Variants in PPP1R1C observed in about 807,000 individuals in gnomAD.
PPP1R1C encodes protein phosphatase 1 regulatory inhibitor subunit 1C.
A neutral mutation model predicts 17.4 loss-of-function variants in PPP1R1C; 15 were observed. The ratio of observed to expected loss-of-function variants is 0.86; its 90% CI spans 0.58 to 1.33. The LOEUF is 1.33. PPP1R1C is among the 40% of genes most tolerant of loss of function. The pLI is 0.00. For missense variants in PPP1R1C, 143 were observed against 130.0 expected (o/e 1.10, Z -0.48); for synonymous variants, 35 against 43.1 (o/e 0.81, Z 0.73).
At chr2:182,127,712 T>C (rs899107374) in intron 5 of PPP1R1C, among the ~76,000 whole-genome samples, 8 of 152,042 alleles carry the variant, frequency 5.3e-5, no homozygotes, top group Non-Finnish European at 8.8e-5. Context: ...TGCAACAGTG[T>C]TGGAGAAAGT....
At chr2:182,122,925 A>G (rs141043058) in intron 5 of PPP1R1C, among the ~76,000 whole-genome samples, 1,880 of 152,194 alleles carry the variant, frequency 0.012, 46 homozygotes, top group African/African-American at 0.042. Flanking sequence ...TTACATAGGT[A>G]TACAGGTGCC....
At chr2:182,092,179 C>T (rs1296679505) in intron 4 of PPP1R1C, among the ~76,000 whole-genome samples, 1 of 152,134 alleles carries the variant, frequency 6.6e-6, no homozygotes, top group Non-Finnish European at 1.5e-5. Context: ...ATTGGACTTA[C>T]AGTTCCACAT....
At chr2:182,083,620 T>G (rs1420270296) in intron 4 of PPP1R1C, among the ~76,000 whole-genome samples, 1 of 152,182 alleles carries the variant, frequency 6.6e-6, no homozygotes, top group East Asian at 1.9e-4. Context: ...TGAGTAGTAT[T>G]CTACAGTGTA....
intron 4 of PPP1R1C, among the ~76,000 whole-genome samples, chr2:182,079,637 T>C (rs929078854): frequency 2.0e-5 from 3 of 152,224 alleles, no homozygotes; most frequent in Non-Finnish European, 2.9e-5. Context: ...TTTCAAGGAC[T>C]GCCTTAATAG....
chr2:181,957,894 T>A lies in PPP1R1C; in HGVS notation n.111+3260T>A, dbSNP rs1467128236. On this transcript the variant is annotated intron_variant and non_coding_transcript_variant, in intron 1 of 5. Coordinates refer to the PPP1R1C transcript ENST00000464264. This position sits in a 1 kb window ranked among gnomAD's most constrained non-coding sequence, Gnocchi z 4.2. ...GTGCAAATAATTGATAAATGATTCA[T>A]GAGTCATGCCTCCCAGAGTGTGTAC... Among the ~76,000 whole-genome samples, 1 of 152,254 alleles carries A rather than the reference T, an allele frequency of 6.6e-6. No homozygotes were observed. Among genetic ancestry groups the A allele is most frequent in the Non-Finnish European group, 1.5e-5 (1 of 68,048 alleles).
rs1196173 is a variant in PPP1R1C at position 182,071,951 on chromosome 2, C to G, written c.241+8160C>G. On this transcript the variant is annotated intron_variant, in intron 4 of 4. Transcript: ENST00000682840. The stretch of plus-strand genomic sequence containing the variant: ...GGCTCATTTTATGTATTTCTTGTCC[C>G]AGTCCTAGAACCAGCCTTTTCTCCA... Among the ~76,000 whole-genome samples the G allele has an allele frequency of 4.9e-3, 744 of 152,232 alleles. 6 individuals carry two copies. Among genetic ancestry groups the G allele is most frequent in the African/African-American group, 0.017 (718 of 41,532 alleles).
At chr2:182,024,047 A>C (rs1427375849) in intron 2 of PPP1R1C, 1 of 152,218 alleles carries the variant, frequency 6.6e-6, no homozygotes. Flanking sequence ...ATGATTTTAA[A>C]GGAAAGTGTG....
intron 2 of PPP1R1C, among the ~76,000 whole-genome samples, chr2:182,011,136 G>A (rs2125155607): frequency 6.6e-6 from 1 of 152,180 alleles, no homozygotes; most frequent in Non-Finnish European, 1.5e-5. Context: ...TGGCCTCATA[G>A]GATGAGTTTG....
chr2:182,059,757 A>G (rs2125195214), intron 2 of PPP1R1C, among the ~76,000 whole-genome samples: 1 of 152,188 alleles, frequency 6.6e-6, no homozygotes, highest in East Asian at 1.9e-4. Context: ...ACCTTTTTTC[A>G]TTGAAATATT....
chr2:181,972,045 T>A (rs938377047), intron 1 of PPP1R1C, among the ~76,000 whole-genome samples: 1 of 152,230 alleles, frequency 6.6e-6, no homozygotes, highest in Non-Finnish European at 1.5e-5. Flanking sequence ...ATTGCTCACA[T>A]GATTTTTTTG....
chr2:182,106,057 G>A (rs1230584580), intron 4 of PPP1R1C, among the ~76,000 whole-genome samples: 1 of 152,142 alleles, frequency 6.6e-6, no homozygotes, highest in African/African-American at 2.4e-5. Context: ...TATAGATGGT[G>A]TTCTCTGTGT....
intron 4 of PPP1R1C, among the ~76,000 whole-genome samples, chr2:182,079,513 A>T (rs1688410055): frequency 6.6e-6 from 1 of 152,186 alleles, no homozygotes; most frequent in Admixed American, 6.5e-5. Context: ...CTCAGTTTGA[A>T]TTCTAGTTCC....
chr2:182,048,200 A>T, intron 2 of PPP1R1C, among the ~76,000 whole-genome samples: 1 of 152,182 alleles, frequency 6.6e-6, no homozygotes, highest in South Asian at 2.1e-4. Flanking sequence ...TTTCCAGTGC[A>T]TATAACTTTA....
chr2:182,086,931 C>CA (rs199642832), intron 4 of PPP1R1C, among the ~76,000 whole-genome samples: 49,379 of 145,318 alleles, frequency 0.34, 9,493 homozygotes, highest in Non-Finnish European at 0.44. Context: ...GAGAAAATAC[C>CA]AAAAAAAAAA....
intron 1 of PPP1R1C, among the ~76,000 whole-genome samples, chr2:181,973,315 A>G (rs997921149): frequency 6.6e-6 from 1 of 152,192 alleles, no homozygotes; most frequent in Non-Finnish European, 1.5e-5. Flanking sequence ...GTAGATATGA[A>G]TAAGCCTACA....
At chr2:182,075,450 AGT>A (rs1688270149) in intron 4 of PPP1R1C, among the ~76,000 whole-genome samples, 1 of 152,220 alleles carries the variant, frequency 6.6e-6, no homozygotes. Flanking sequence ...CTTAAAAGCC[AGT>A]TGGTCCTCTT....
intron 2 of PPP1R1C, among the ~76,000 whole-genome samples, chr2:182,055,566 T>C (rs185351461): frequency 1.7e-4 from 26 of 152,334 alleles, no homozygotes; most frequent in African/African-American, 6.3e-4. Flanking sequence ...GCAAATTCTC[T>C]TGGTTTCCTT....
At chr2:182,066,952 C>G (rs201779629) in intron 4 of PPP1R1C, among the ~76,000 whole-genome samples, 1 of 148,072 alleles carries the variant, frequency 6.8e-6, no homozygotes, top group Non-Finnish European at 1.5e-5. Flanking sequence ...GTGTGTGTGT[C>G]TGTGTGTGTG....
chr2:182,061,495 T>C lies in PPP1R1C; in HGVS notation c.180+16T>C. The C allele has an allele frequency of 4.1e-6, 6 of 1,448,720 alleles. No homozygotes were observed. Among genetic ancestry groups the C allele is most frequent in the Non-Finnish European group, 5.5e-6 (6 of 1,098,716 alleles). 89.7% of individuals were successfully genotyped at this position (1,448,720 alleles called of 1,614,324 possible). On this transcript the variant is annotated intron_variant, in intron 3 of 4. Coordinates refer to ENST00000682840, the MANE Select transcript of PPP1R1C (RefSeq NM_001080545.3). ...ACAAGGGGAAGTAAGTTTTTAAAAA[T>C]ATTTTGTATAAATGTGTTCAAATCA...
Sources: allele counts gnomAD v4.1 joint callset (sites outside exome capture counted in the v4.1 genomes callset), GRCh38; gene constraint gnomAD v4.1.1; non-coding constraint Gnocchi (gnomAD v3.1); transcripts MANE v1.5; gene names NCBI Gene and HGNC (gene_info 2026-07-23, HGNC 2026-07-21).